The following GLRA2 variants were observed in gnomAD, a reference collection of about 807,000 sequenced individuals.
GLRA2 encodes the protein glycine receptor subunit alpha-2.
GLRA2 carries 11 observed loss-of-function variants against 31.6 expected under a neutral mutation model. The observed-to-expected ratio is 0.35, with a 90% CI of 0.22 to 0.58. The LOEUF is 0.58. GLRA2 is among the 20% of genes least tolerant of loss of function. The pLI, the probability that GLRA2 is intolerant of heterozygous loss-of-function variation, is 0.84. For missense variants in GLRA2, 212 were observed against 351.8 expected, an observed-to-expected ratio of 0.60 and a Z score of 3.18; for synonymous variants, 132 against 134.0, an observed-to-expected ratio of 0.99 and a Z score of 0.10.
intron 2 of GLRA2, among the ~76,000 whole-genome samples, chrX:14,559,370 A>G (rs924215120): frequency 9.2e-6 from 1 of 108,326 alleles, no homozygotes; most frequent in African/African-American, 3.4e-5. Flanking sequence ...TGAATTTTCA[A>G]GGAGATTAAA....
intron 7 of GLRA2, among the ~76,000 whole-genome samples, chrX:14,641,388 C>T (rs2090771112): frequency 9.0e-6 from 1 of 111,191 alleles, no homozygotes; most frequent in African/African-American, 3.3e-5. Flanking sequence ...ACCATTTTTT[C>T]AAGAGCAGCA....
chrX:14,506,821 G>A, the GLRA2 span, among the ~76,000 whole-genome samples: 1 of 111,472 alleles, frequency 9.0e-6, no homozygotes, highest in Non-Finnish European at 1.9e-5. Context: ...TTTGCTGGGT[G>A]TAATCAAACT....
intron 2 of GLRA2, among the ~76,000 whole-genome samples, chrX:14,557,102 C>CTTTTTTTTTTTTT (rs58282642): frequency 2.2e-5 from 1 of 46,355 alleles, no homozygotes; most frequent in Non-Finnish European, 3.5e-5. Context: ...TAAAGTATTT[C>CTTTTTTTTTTTTT]TTTTTTTTTT....
the GLRA2 span, among the ~76,000 whole-genome samples, chrX:14,494,580 C>T: frequency 9.0e-6 from 1 of 111,208 alleles, no homozygotes; most frequent in Non-Finnish European, 1.9e-5. Context: ...CCAATCCTAG[C>T]TATATTTCTG....
At position 14,730,947 on chromosome X, in the gene GLRA2, CACAA is replaced by C. The variant is rs1483731718; in HGVS notation, c.*465_*468del. ...ACACACACACACACACACACACACA[CACAA>C]ACTTCAAAAATGCTTAACCATCTGA... On this transcript the variant is annotated 3_prime_UTR_variant, in exon 9 of 9. Coordinates refer to ENST00000218075, the MANE Select transcript of GLRA2 (RefSeq NM_002063.4). 3 of 71,418 alleles carry C rather than the reference CACAA, an allele frequency of 4.2e-5. No individual in the cohort carries two copies. The highest frequency in any genetic ancestry group is 1.1e-4 in the African/African-American group (2 of 18,137). The allele number at this position is 71,418 out of a possible 1,213,427, so 5.9% of individuals were successfully genotyped here. A position where few individuals can be genotyped will look rare whatever the true frequency, so the allele number is the denominator to read the frequency against.
chrX:14,709,938 C>CA (rs2147231926), intron 8 of GLRA2, among the ~76,000 whole-genome samples: 1 of 111,771 alleles, frequency 8.9e-6, no homozygotes, highest in South Asian at 3.8e-4. Flanking sequence ...TAAGATTGGC[C>CA]AGAGAAAGCA....
chrX:14,613,102 C>T (rs938420966), intron 7 of GLRA2, among the ~76,000 whole-genome samples: 9 of 110,914 alleles, frequency 8.1e-5, no homozygotes, highest in African/African-American at 3.0e-4. Flanking sequence ...TATTATCTAC[C>T]CCTTAAAAAA....
At chrX:14,451,214 C>A in the GLRA2 span, among the ~76,000 whole-genome samples, 1 of 111,515 alleles carries the variant, frequency 9.0e-6, no homozygotes, top group Non-Finnish European at 1.9e-5. Flanking sequence ...AGCCCACAGA[C>A]CCTATAAAAC....
rs55910036 is a variant in GLRA2 at position 14,730,891 on chromosome X, TACACACACACACACACACAC to T, written c.*446_*465del. ...AATTCTGGTACTGAAAAGTTAGCTA[TACACACACACACACACACAC>T]ACACACACACACACACACACACACA... On this transcript the variant is annotated 3_prime_UTR_variant, in exon 9 of 9. Transcript: ENST00000218075. 0.13 allele frequency: 12,455 copies of T among 97,622 alleles called. 793 individuals are homozygous for T. Among genetic ancestry groups the T allele is most frequent in the Non-Finnish European group, 0.14 (7,479 of 53,221 alleles). 8.0% of individuals were successfully genotyped at this position (97,622 alleles called of 1,213,427 possible). A position where few individuals can be genotyped will look rare whatever the true frequency, so the allele number is the denominator to read the frequency against.
chrX:14,582,820 C>T (rs902285756), intron 4 of GLRA2, among the ~76,000 whole-genome samples: 2 of 111,985 alleles, frequency 1.8e-5, no homozygotes, highest in East Asian at 5.6e-4. Flanking sequence ...GTTGCAACTA[C>T]TCAACTCTAT....
chrX:14,620,384 G>A (rs972469178), intron 7 of GLRA2, among the ~76,000 whole-genome samples: 4 of 109,431 alleles, frequency 3.7e-5, no homozygotes, highest in Non-Finnish European at 7.6e-5. Flanking sequence ...TTCTCATCTG[G>A]ACTCTATACA....
At chrX:14,590,340 A>G (rs1342672569) in intron 4 of GLRA2, among the ~76,000 whole-genome samples, 1 of 111,254 alleles carries the variant, frequency 9.0e-6, no homozygotes, top group Non-Finnish European at 1.9e-5. Context: ...CTAGACAGAC[A>G]TCCAACGATG....
chrX:14,467,762 C>G, the GLRA2 span, among the ~76,000 whole-genome samples: 21 of 110,635 alleles, frequency 1.9e-4, no homozygotes, highest in African/African-American at 6.2e-4. Flanking sequence ...TTTTTTCACT[C>G]TCTCATTGTT....
chrX:14,522,895 G>T, the GLRA2 span, among the ~76,000 whole-genome samples: 3 of 111,649 alleles, frequency 2.7e-5, no homozygotes, highest in Non-Finnish European at 5.6e-5. Context: ...TACTTTTTAA[G>T]GACCCTCGGA....
chrX:14,712,610 A>G (rs771967865), intron 8 of GLRA2, among the ~76,000 whole-genome samples: 2 of 109,762 alleles, frequency 1.8e-5, no homozygotes, highest in African/African-American at 6.6e-5. Context: ...ATGAAGACAA[A>G]GACATTAAAA....
the GLRA2 span, among the ~76,000 whole-genome samples, chrX:14,491,298 A>G: frequency 8.9e-6 from 1 of 111,740 alleles, no homozygotes; most frequent in Non-Finnish European, 1.9e-5. Context: ...TTGTTTTGCC[A>G]TCTATGATTG....
At chrX:14,521,229 G>C in the GLRA2 span, among the ~76,000 whole-genome samples, 1 of 112,543 alleles carries the variant, frequency 8.9e-6, no homozygotes, top group African/African-American at 3.2e-5. Flanking sequence ...CTGTGAGGGA[G>C]GGTGTTTCCA....
At chrX:14,583,561 AC>A (rs1264196902) in intron 4 of GLRA2, among the ~76,000 whole-genome samples, 1 of 111,280 alleles carries the variant, frequency 9.0e-6, no homozygotes, top group Non-Finnish European at 1.9e-5. Context: ...ATATGGTGAA[AC>A]CCCGTCTCTA....
intron 8 of GLRA2, among the ~76,000 whole-genome samples, chrX:14,694,730 C>T (rs948158902): frequency 8.9e-6 from 1 of 112,463 alleles, no homozygotes; most frequent in Non-Finnish European, 1.9e-5. Flanking sequence ...CTGTGTAAAT[C>T]CTTAGAATAC....
Sources: allele counts gnomAD v4.1 joint callset (sites outside exome capture counted in the v4.1 genomes callset), GRCh38; gene constraint gnomAD v4.1.1; transcripts MANE v1.5; gene names NCBI Gene and HGNC (gene_info 2026-07-23, HGNC 2026-07-21).